Variants in FOXP2 observed in about 807,000 individuals in gnomAD.
FOXP2 encodes the protein forkhead box protein P2.
FOXP2 carries 12 observed loss-of-function variants against 115.8 expected under a neutral mutation model. That is an observed-to-expected ratio of 0.10 (90% CI 0.07 to 0.17). The LOEUF is 0.17. FOXP2 is among the 10% of genes least tolerant of loss of function. FOXP2 has a pLI of 1.00. For missense variants in FOXP2, 629 were observed against 843.5 expected (o/e 0.75, Z 3.15); for synonymous variants, 328 against 297.7 (o/e 1.10, Z -1.05).
At chr7:114,299,855 A>C (rs1796834559) in intron 2 of FOXP2, among the ~76,000 whole-genome samples, 1 of 152,078 alleles carries the variant, frequency 6.6e-6, no homozygotes, top group South Asian at 2.1e-4. Flanking sequence ...AGGTTATTAA[A>C]ATGAATCAAA....
intron 1 of FOXP2, among the ~76,000 whole-genome samples, chr7:114,145,430 T>TTTTTTCTTTTC (rs1562980287): frequency 6.7e-5 from 5 of 74,804 alleles, no homozygotes; most frequent in Admixed American, 2.0e-4. Context: ...AGCTTTGCCA[T>TTTTTTCTTTTC]TTTTTCTTTT....
rs1046511728 is a variant in FOXP2, at chr7:114,334,947, A to G, written c.-11+46838A>G. On this transcript the variant is annotated intron_variant, in intron 2 of 17. Coordinates refer to the FOXP2 transcript ENST00000634411. Reference sequence around the variant, plus strand: ...TATAGAAATCTATATATATATATATATATATATATATAGAAATCCAAGTAT... The same window carrying G: ...TATAGAAATCTATATATATATATATGTATATATATATAGAAATCCAAGTAT... Among the ~76,000 whole-genome samples, 24 of 143,242 alleles carry G rather than the reference A, an allele frequency of 1.7e-4. No homozygotes were observed. The East Asian group carries it at 4.5e-3, about 27-fold the overall frequency. 94.0% of individuals were successfully genotyped at this position (143,242 alleles called of 152,430 possible).
chr7:114,514,929 C>A, intron 2 of FOXP2, among the ~76,000 whole-genome samples: 1 of 148,992 alleles, frequency 6.7e-6, no homozygotes, highest in Non-Finnish European at 1.5e-5. Context: ...CATGTGTTCT[C>A]ATTGTTCAAT....
intron 2 of FOXP2, among the ~76,000 whole-genome samples, chr7:114,317,962 A>G (rs1052669231): frequency 6.6e-6 from 1 of 151,954 alleles, no homozygotes; most frequent in African/African-American, 2.4e-5. Context: ...TGCATGGCTA[A>G]CTCCCATCAG....
At chr7:114,283,469 G>GCTTT (rs1383342865) in intron 1 of FOXP2, among the ~76,000 whole-genome samples, 1 of 151,970 alleles carries the variant, frequency 6.6e-6, no homozygotes, top group Non-Finnish European at 1.5e-5. Flanking sequence ...TTATCCTTAA[G>GCTTT]CTTTATATGA....
At chr7:114,526,761 C>T (rs1798894442) in intron 2 of FOXP2, among the ~76,000 whole-genome samples, 1 of 152,068 alleles carries the variant, frequency 6.6e-6, no homozygotes, top group Non-Finnish European at 1.5e-5. Context: ...ATCCTGTCCT[C>T]TCACAATTTT....
At chr7:114,651,722 A>G (rs1399962596) in intron 8 of FOXP2, among the ~76,000 whole-genome samples, 1 of 152,066 alleles carries the variant, frequency 6.6e-6, no homozygotes, top group African/African-American at 2.4e-5. Context: ...TTGATTTTCC[A>G]CGGGAGATAA....
At chr7:114,159,110 A>C (rs17508329), upstream of FOXP2, among the ~76,000 whole-genome samples, 1,728 of 152,250 alleles carry the variant, frequency 0.011, 8 homozygotes, top group Middle Eastern at 0.017. Context: ...TTGGGACTAG[A>C]ATGGTATCTT....
chr7:114,455,140 TGTC>T (rs1795254064), intron 2 of FOXP2, among the ~76,000 whole-genome samples: 1 of 152,206 alleles, frequency 6.6e-6, no homozygotes. Flanking sequence ...GCATATTCAA[TGTC>T]CAATAAATAT....
chr7:114,198,696 G>C (rs1321783450), intron 1 of FOXP2, among the ~76,000 whole-genome samples: 3 of 152,158 alleles, frequency 2.0e-5, no homozygotes, highest in African/African-American at 7.2e-5. Flanking sequence ...TCTGTGGCCT[G>C]GGGCTGCTCT....
intron 2 of FOXP2, among the ~76,000 whole-genome samples, chr7:114,451,048 G>T (rs1468068138): frequency 1.3e-5 from 2 of 151,916 alleles, no homozygotes; most frequent in Admixed American, 1.3e-4. Context: ...CTGATAAAAG[G>T]TTTCAGGATT....
intron 13 of FOXP2, among the ~76,000 whole-genome samples, chr7:114,660,893 GC>G: frequency 6.6e-6 from 1 of 152,022 alleles, no homozygotes; most frequent in East Asian, 1.9e-4. Context: ...CGGGGATCCA[GC>G]AAAACTCATT....
intron 3 of FOXP2, among the ~76,000 whole-genome samples, chr7:114,608,983 G>A (rs1197644295): frequency 6.6e-6 from 1 of 152,036 alleles, no homozygotes; most frequent in African/African-American, 2.4e-5. Context: ...CGGATCACCT[G>A]AGGTCAGGGT....
intron 1 of FOXP2, among the ~76,000 whole-genome samples, chr7:114,118,350 G>A (rs188210292): frequency 6.3e-4 from 95 of 151,938 alleles, no homozygotes; most frequent in African/African-American, 2.0e-3. Flanking sequence ...AATATTAATC[G>A]TTTTCAAAAT....
At chr7:114,344,592 T>A (rs1429848449) in intron 2 of FOXP2, among the ~76,000 whole-genome samples, 1 of 151,848 alleles carries the variant, frequency 6.6e-6, no homozygotes, top group Non-Finnish European at 1.5e-5. Context: ...GGATAACAGA[T>A]GTAGAGAAAT....
At chr7:114,401,601 G>A (rs1298029062) in intron 2 of FOXP2, among the ~76,000 whole-genome samples, 1 of 152,084 alleles carries the variant, frequency 6.6e-6, no homozygotes, top group East Asian at 1.9e-4. Context: ...TTTCAGTTTG[G>A]CGATTTATTT....
intron 2 of FOXP2, among the ~76,000 whole-genome samples, chr7:114,401,367 A>C (rs1273552739): frequency 6.6e-6 from 1 of 152,210 alleles, no homozygotes; most frequent in East Asian, 1.9e-4. Context: ...TTTTTTAAAG[A>C]AACAGTTTCT....
chr7:114,556,372 A>C (rs1800452836), intron 3 of FOXP2, among the ~76,000 whole-genome samples: 1 of 152,138 alleles, frequency 6.6e-6, no homozygotes, highest in Admixed American at 6.5e-5. Flanking sequence ...AAGCTGATCC[A>C]AGGGCTGCTG....
chr7:114,177,574 A>T (rs1480384629), intron 1 of FOXP2, among the ~76,000 whole-genome samples: 1 of 152,044 alleles, frequency 6.6e-6, no homozygotes, highest in African/African-American at 2.4e-5. Context: ...ATATCTATTT[A>T]TATATGGTTT....
Sources: gnomAD v4.1 joint callset for allele counts (sites outside exome capture counted in the v4.1 genomes callset) on GRCh38, gnomAD v4.1.1 for gene constraint, MANE v1.5 for transcripts, NCBI Gene and HGNC (gene_info 2026-07-23, HGNC 2026-07-21) for gene names.